The following MYO16 variants were observed in gnomAD, a reference collection of about 807,000 sequenced individuals.
MYO16 encodes the protein myosin XVI.
In MYO16, 94 loss-of-function variants were observed where a neutral mutation model predicts 205.3. The observed-to-expected ratio is 0.46, with a 90% CI of 0.39 to 0.54. The LOEUF (loss-of-function observed/expected upper bound fraction) is 0.54. MYO16 is among the 20% of genes least tolerant of loss of function. MYO16 has a pLI of 0.00. For missense variants in MYO16, 2,315 were observed against 2,387.5 expected (o/e 0.97, Z 0.63); for synonymous variants, 988 against 954.0 (o/e 1.04, Z -0.66).
chr13:108,821,798 A>C (rs936575736), intron 8 of MYO16, among the ~76,000 whole-genome samples: 1 of 152,160 alleles, frequency 6.6e-6, no homozygotes, highest in Non-Finnish European at 1.5e-5. Flanking sequence ...ACAGTGCATG[A>C]GGACTCTCTC....
chr13:108,565,221 T>A, the MYO16 span, among the ~76,000 whole-genome samples: 1 of 152,236 alleles, frequency 6.6e-6, no homozygotes, highest in Non-Finnish European at 1.5e-5. Flanking sequence ...TTGAAGAATG[T>A]CATTGGTATT....
At chr13:109,113,908 G>A (rs969179281) in intron 28 of MYO16, among the ~76,000 whole-genome samples, 7 of 152,152 alleles carry the variant, frequency 4.6e-5, no homozygotes, top group Non-Finnish European at 8.8e-5. Flanking sequence ...ATGAAACATC[G>A]ACATAAATGT....
At chr13:108,693,957 G>C (rs1386844190) in intron 2 of MYO16, among the ~76,000 whole-genome samples, 2 of 152,048 alleles carry the variant, frequency 1.3e-5, no homozygotes, top group Non-Finnish European at 2.9e-5. Context: ...GAGAATATGT[G>C]GTATTTGGTT....
intron 1 of MYO16, among the ~76,000 whole-genome samples, chr13:108,639,089 T>A (rs1880385550): frequency 6.6e-6 from 1 of 152,154 alleles, no homozygotes; most frequent in Non-Finnish European, 1.5e-5. Flanking sequence ...GGGAGGGAGT[T>A]CCTTGAATGA....
chr13:109,088,030 T>A (rs1199570663), intron 27 of MYO16, among the ~76,000 whole-genome samples: 1 of 152,208 alleles, frequency 6.6e-6, no homozygotes, highest in Non-Finnish European at 1.5e-5. Flanking sequence ...GATTTGAATG[T>A]ACAAAACAGG....
At chr13:108,752,116 C>T (rs1885255732) in intron 4 of MYO16, among the ~76,000 whole-genome samples, 2 of 152,164 alleles carry the variant, frequency 1.3e-5, no homozygotes, top group Non-Finnish European at 2.9e-5. Context: ...TCTGTGGTAT[C>T]TTCACAATTT....
intron 21 of MYO16, among the ~76,000 whole-genome samples, chr13:109,007,507 A>G (rs1885435710): frequency 6.6e-6 from 1 of 151,522 alleles, no homozygotes; most frequent in African/African-American, 2.4e-5. Context: ...GAATGGAAAG[A>G]TAAGAATTTG....
chr13:109,157,378 G>A (rs983702373), intron 32 of MYO16, among the ~76,000 whole-genome samples: 2 of 151,966 alleles, frequency 1.3e-5, no homozygotes, highest in African/African-American at 4.8e-5. Context: ...CGGAGGTGTG[G>A]GCAGAGCCAG....
At chr13:109,199,337 C>A (rs1002996456) in intron 34 of MYO16, among the ~76,000 whole-genome samples, 1 of 150,466 alleles carries the variant, frequency 6.6e-6, no homozygotes, top group Non-Finnish European at 1.5e-5. Context: ...GCTCAGTTGT[C>A]CCATTCATGA....
intron 10 of MYO16, among the ~76,000 whole-genome samples, chr13:108,845,957 C>T (rs1219817955): frequency 6.6e-6 from 1 of 152,072 alleles, no homozygotes; most frequent in African/African-American, 2.4e-5. Flanking sequence ...GATCCTCCCA[C>T]CTTAGCCTCC....
the MYO16 span, among the ~76,000 whole-genome samples, chr13:108,543,835 G>A: frequency 1.3e-5 from 2 of 148,458 alleles, no homozygotes; most frequent in African/African-American, 4.9e-5. Context: ...GGAGGCCGGG[G>A]TGGGTGGATC....
intron 4 of MYO16, among the ~76,000 whole-genome samples, chr13:108,781,416 T>C (rs1401489789): frequency 6.6e-6 from 1 of 152,214 alleles, no homozygotes; most frequent in Non-Finnish European, 1.5e-5. Context: ...AGGTGAAATA[T>C]GGCTTTATTC....
At chr13:108,921,184 C>T (rs545124549) in intron 16 of MYO16, among the ~76,000 whole-genome samples, 31 of 152,296 alleles carry the variant, frequency 2.0e-4, no homozygotes, top group African/African-American at 6.5e-4. Context: ...CTCTTCCCAC[C>T]TCATAGGACA....
At chr13:108,689,305 T>C (rs1882802830) in intron 2 of MYO16, among the ~76,000 whole-genome samples, 1 of 152,078 alleles carries the variant, frequency 6.6e-6, no homozygotes, top group Non-Finnish European at 1.5e-5. Flanking sequence ...CAAAAATGCA[T>C]TGTGGACATT....
At chr13:109,034,124 CAT>C (rs1886634762) in intron 23 of MYO16, among the ~76,000 whole-genome samples, 2 of 151,918 alleles carry the variant, frequency 1.3e-5, no homozygotes, top group African/African-American at 4.8e-5. Flanking sequence ...CTTGAAAGTG[CAT>C]ACCTAGACAA....
At chr13:108,594,985 T>G (rs1046545236), upstream of MYO16, among the ~76,000 whole-genome samples, 1 of 152,218 alleles carries the variant, frequency 6.6e-6, no homozygotes, top group Non-Finnish European at 1.5e-5. Flanking sequence ...GCTGAAGGGT[T>G]AAGACACAGT....
chr13:108,799,797 G>T (rs902318656), intron 6 of MYO16, among the ~76,000 whole-genome samples: 5 of 152,000 alleles, frequency 3.3e-5, no homozygotes, highest in African/African-American at 1.2e-4. Context: ...GGTGGACATG[G>T]GTTACTATTT....
At chr13:108,657,345 G>A (rs1265234351) in intron 1 of MYO16, among the ~76,000 whole-genome samples, 1 of 152,066 alleles carries the variant, frequency 6.6e-6, no homozygotes, top group African/African-American at 2.4e-5. Flanking sequence ...GAAGAGAGAA[G>A]GTGACCTAAT....
intron 9 of MYO16, among the ~76,000 whole-genome samples, chr13:108,841,625 T>A (rs1481306429): frequency 3.9e-5 from 6 of 152,154 alleles, no homozygotes; most frequent in African/African-American, 1.4e-4. Flanking sequence ...CAAGAGCTTA[T>A]CTGATAAATG....
Sources: gnomAD v4.1 joint callset for allele counts (sites outside exome capture counted in the v4.1 genomes callset) on GRCh38, gnomAD v4.1.1 for gene constraint, MANE v1.5 for transcripts, NCBI Gene and HGNC (gene_info 2026-07-23, HGNC 2026-07-21) for gene names.